Variants in GSE1 observed in about 807,000 individuals in gnomAD.
The protein encoded by GSE1 is Gse1 coiled-coil protein, also known as genetic suppressor element 1.
In GSE1, 32 loss-of-function variants were observed where a neutral mutation model predicts 112.6. The ratio of observed to expected loss-of-function variants is 0.28; its 90% CI spans 0.21 to 0.38. The LOEUF (loss-of-function observed/expected upper bound fraction) is 0.38. Ranked by LOEUF, GSE1 falls within the 10% of genes least tolerant of loss-of-function variation. The probability of loss-of-function intolerance (pLI) is 1.00; values close to 1 mark genes in which losing one functional copy is unlikely to be tolerated. For synonymous variants in GSE1, 1,115 were observed against 735.6 expected, an observed-to-expected ratio of 1.52 and a Z score of -8.35; for missense variants, 2,348 against 1,699.2, an observed-to-expected ratio of 1.38 and a Z score of -6.71.
intron 1 of GSE1, among the ~76,000 whole-genome samples, chr16:85,188,780 G>A (rs1349569727): frequency 1.3e-5 from 2 of 150,426 alleles, no homozygotes; most frequent in Non-Finnish European, 3.0e-5. Context: ...CAGCCTGGGT[G>A]TTAGAGTGGG....
intron 2 of GSE1, among the ~76,000 whole-genome samples, chr16:85,360,143 G>C (rs572357526): frequency 9.9e-4 from 151 of 152,284 alleles, no homozygotes; most frequent in African/African-American, 3.3e-3. Context: ...GATGGGGCTG[G>C]TCACTCCTGA....
chr16:85,644,771 G>A lies in GSE1; in HGVS notation c.227-3781G>A, dbSNP rs921090031. ...ACGTGCTAGAACCGTGGGGCCGCGC[G>A]CTGGGTGGGTGAATTACGCGGGATG... On this transcript the variant is annotated intron_variant, in intron 2 of 15. Transcript: ENST00000253458. 5.9e-5 allele frequency among the ~76,000 whole-genome samples: 9 copies of A among 152,114 alleles called. No individual in the cohort carries two copies. The East Asian group carries it at 1.2e-3, about 20-fold the overall frequency.
intron 2 of GSE1, among the ~76,000 whole-genome samples, chr16:85,647,431 A>G (rs1339486493): frequency 6.6e-6 from 1 of 152,192 alleles, no homozygotes; most frequent in African/African-American, 2.4e-5. Context: ...AAGATGGTGA[A>G]TTATATCTCA....
At chr16:85,208,580 C>A (rs150698602) in intron 1 of GSE1, among the ~76,000 whole-genome samples, 2 of 152,222 alleles carry the variant, frequency 1.3e-5, no homozygotes, top group African/African-American at 4.8e-5. Context: ...GACCAGGGAC[C>A]GCAAACTCTG....
At chr16:85,503,212 G>A (rs1319154037) in intron 2 of GSE1, among the ~76,000 whole-genome samples, 2 of 152,236 alleles carry the variant, frequency 1.3e-5, no homozygotes, top group African/African-American at 4.8e-5. Context: ...GCTGAAGCCA[G>A]GATTTCCATT....
chr16:85,456,641 G>GTGTGTGTGTGTGTGTGTGTGT (rs1567502079), intron 2 of GSE1, among the ~76,000 whole-genome samples: 1 of 94,038 alleles, frequency 1.1e-5, no homozygotes, highest in African/African-American at 4.2e-5. Flanking sequence ...TGTGTGTGTG[G>GTGTGTGTGTGTGTGTGTGTGT]TCTGCCATTT....
intron 1 of GSE1, among the ~76,000 whole-genome samples, chr16:85,571,754 GC>G (rs2045991164): frequency 1.3e-5 from 2 of 152,244 alleles, no homozygotes; most frequent in Admixed American, 6.5e-5. Context: ...AGGCGTGGGG[GC>G]AGAGGCCATG....
chr16:85,655,651 G>C, intron 5 of GSE1, 75 bp from the exon 6 acceptor site: 1 of 962,620 alleles, frequency 1.0e-6, no homozygotes, highest in African/African-American at 1.6e-5. Flanking sequence ...GTACCTGGCT[G>C]AGACACACCT....
intron 1 of GSE1, among the ~76,000 whole-genome samples, chr16:85,347,591 C>G (rs969291513): frequency 6.6e-6 from 1 of 152,036 alleles, no homozygotes; most frequent in Admixed American, 6.6e-5. Context: ...CCCCACCCGC[C>G]CATCCCACAG....
intron 1 of GSE1, among the ~76,000 whole-genome samples, chr16:85,180,086 C>G (rs1246678020): frequency 6.6e-6 from 1 of 152,244 alleles, no homozygotes; most frequent in African/African-American, 2.4e-5. Flanking sequence ...CCATGGCTCT[C>G]AGGTTCCCTG....
At position 85,238,200 on chromosome 16, in the gene GSE1, C is replaced by T. The variant is rs550706727; in HGVS notation, c.2283+66393C>T. On this transcript the variant is annotated intron_variant, in intron 1 of 2. Coordinates refer to the GSE1 transcript ENST00000637419. The stretch of plus-strand genomic sequence containing the variant: ...CGTCCTGCTATTGATGTTTTCTCTG[C>T]CCAGGTTCTCCCCACACACGGGGTT... 3.2e-4 allele frequency among the ~76,000 whole-genome samples: 49 copies of T among 152,158 alleles called. 1 individual carries two copies. The highest frequency in any genetic ancestry group is 1.1e-3 in the African/African-American group (45 of 41,416).
chr16:85,184,814 T>A (rs191139337), intron 1 of GSE1, among the ~76,000 whole-genome samples: 89 of 152,374 alleles, frequency 5.8e-4, no homozygotes, highest in African/African-American at 1.8e-3. Flanking sequence ...ACAGAGAAGG[T>A]ACTCTGTATG....
intron 1 of GSE1, among the ~76,000 whole-genome samples, chr16:85,231,894 T>C (rs1904290062): frequency 6.6e-6 from 1 of 152,258 alleles, no homozygotes; most frequent in Non-Finnish European, 1.5e-5. Context: ...GTCATCATGG[T>C]GCTGGCCTCT....
intron 1 of GSE1, among the ~76,000 whole-genome samples, chr16:85,603,877 C>T (rs2047570841): frequency 6.6e-6 from 1 of 152,206 alleles, no homozygotes; most frequent in African/African-American, 2.4e-5. Flanking sequence ...GGGTACAGTT[C>T]AGCGGCATTT....
chr16:85,629,392 C>CT (rs1357315280), intron 1 of GSE1, among the ~76,000 whole-genome samples: 4 of 152,340 alleles, frequency 2.6e-5, no homozygotes, highest in African/African-American at 9.6e-5. Context: ...GGCGGGTCAC[C>CT]TGGAGGTGAA....
chr16:85,445,353 A>C lies in GSE1; in HGVS notation c.2464+87710A>C, dbSNP rs536602290. On this transcript the variant is annotated intron_variant, in intron 2 of 2. Coordinates refer to the GSE1 transcript ENST00000637419. ...AACCCCCCCACTCTGCAAAGGAGGC[A>C]GACCGTGAACATGGGGGGCGGGAGA... Among the ~76,000 whole-genome samples, 17 of 152,344 alleles carry C rather than the reference A, an allele frequency of 1.1e-4. No individual in the cohort carries two copies. In the East Asian group the frequency reaches 2.9e-3, roughly 26 times the overall value.
chr16:85,444,534 G>T (rs1597777460), intron 2 of GSE1, among the ~76,000 whole-genome samples: 1 of 152,246 alleles, frequency 6.6e-6, no homozygotes, highest in East Asian at 1.9e-4. Flanking sequence ...GGCTTCTGGG[G>T]CATTCTGTTT....
upstream of GSE1, among the ~76,000 whole-genome samples, chr16:85,608,438 C>T (rs2047808794): frequency 6.6e-6 from 1 of 150,942 alleles, no homozygotes; most frequent in Non-Finnish European, 1.5e-5. Context: ...GCTAACGGCT[C>T]CCTCCCCCGG....
At chr16:85,263,223 A>G (rs900675046) in intron 1 of GSE1, among the ~76,000 whole-genome samples, 2 of 152,120 alleles carry the variant, frequency 1.3e-5, no homozygotes, top group Admixed American at 6.5e-5. Context: ...TCATGATGTT[A>G]GCATCATGCT....
Sources: allele counts gnomAD v4.1 joint callset (sites outside exome capture counted in the v4.1 genomes callset), GRCh38; gene constraint gnomAD v4.1.1; transcripts MANE v1.5; gene names NCBI Gene and HGNC (gene_info 2026-07-23, HGNC 2026-07-21).